Variants in CAP1 observed in about 807,000 individuals in gnomAD.
CAP1 encodes adenylyl cyclase-associated protein 1.
A neutral mutation model predicts 58.2 loss-of-function variants in CAP1; 11 were observed. The ratio of observed to expected loss-of-function variants is 0.19; its 90% CI spans 0.12 to 0.31. CAP1 has a LOEUF of 0.31. Among genes scored for constraint, CAP1 ranks in the 10% least tolerant of loss-of-function variants. The probability of loss-of-function intolerance (pLI) is 1.00; values close to 1 mark genes in which losing one functional copy is unlikely to be tolerated. For missense variants in CAP1, 423 were observed against 587.5 expected, an observed-to-expected ratio of 0.72 and a Z score of 2.89; for synonymous variants, 183 against 213.8, an observed-to-expected ratio of 0.86 and a Z score of 1.26.
At chr1:40,041,094 G>T (rs939303962) in intron 1 of CAP1, 1 of 152,398 alleles carries the variant, frequency 6.6e-6, no homozygotes, top group Non-Finnish European at 1.5e-5. Context: ...GAACCTCCGA[G>T]ATCGGAGAGT....
intron 1 of CAP1, among the ~76,000 whole-genome samples, chr1:40,056,693 C>G (rs1227559736): frequency 6.6e-6 from 1 of 151,992 alleles, no homozygotes; most frequent in East Asian, 1.9e-4. Flanking sequence ...GGTACCACCT[C>G]GCAAATAGGC....
rs563936563 is a variant in CAP1, at chr1:40,048,834, G to A, written c.-11+8033G>A. ...TCTTAGGATAAAACCTCAGGAACAG[G>A]ATTACAAAATTAAGAGAAGCATTTT... On this transcript the variant is annotated intron_variant, in intron 1 of 12. Coordinates refer to ENST00000372805, the MANE Select transcript of CAP1 (RefSeq NM_006367.4). 2.0e-4 allele frequency among the ~76,000 whole-genome samples: 31 copies of A among 152,214 alleles called. No individual in the cohort carries two copies. The South Asian group carries it at 6.0e-3, about 30-fold the overall frequency.
chr1:40,065,211 T>A (rs1442515536), intron 6 of CAP1, among the ~76,000 whole-genome samples: 1 of 152,210 alleles, frequency 6.6e-6, no homozygotes, highest in African/African-American at 2.4e-5. Context: ...AAGGGTTCAA[T>A]AGGACTTAAT....
chr1:40,055,823 T>C (rs1227322117), intron 1 of CAP1, among the ~76,000 whole-genome samples: 2 of 152,126 alleles, frequency 1.3e-5, no homozygotes, highest in Admixed American at 1.3e-4. Context: ...TCCTAACTCT[T>C]ATCAGTCAGG....
At position 40,047,062 on chromosome 1, in the gene CAP1, C is replaced by T. The variant is rs76416466; in HGVS notation, c.-11+6261C>T. On this transcript the variant is annotated intron_variant, in intron 1 of 12. Transcript: ENST00000372805. ...CTGGGATTACAGGCATGAGCCATCGCGCCCGGCCACATTTTTAAAGTACAG... is the reference window on the plus strand; with the variant it reads ...CTGGGATTACAGGCATGAGCCATCGTGCCCGGCCACATTTTTAAAGTACAG... 2.8e-3 allele frequency among the ~76,000 whole-genome samples: 384 copies of T among 137,804 alleles called. 1 individual carries two copies. Among genetic ancestry groups the T allele is most frequent in the African/African-American group, 0.011 (361 of 33,834 alleles). The allele number at this position is 137,804 out of a possible 152,430, so 90.4% of individuals were successfully genotyped here.
Position 40,040,794 on chromosome 1 carries a change from A to C in CAP1, c.-18A>C, listed in dbSNP as rs907960204. Reference sequence around the variant, plus strand: ...GATCGCAGTCCGGAGGTGAGGCGGAACTCTGAGGTGAGGGTGTGCAGCTTG... The same window carrying C: ...GATCGCAGTCCGGAGGTGAGGCGGACCTCTGAGGTGAGGGTGTGCAGCTTG... On this transcript the variant is annotated 5_prime_UTR_variant, in exon 1 of 13. Coordinates refer to ENST00000372805, the MANE Select transcript of CAP1 (RefSeq NM_006367.4). 6.5e-6 allele frequency: 1 copy of C among 153,006 alleles called. No individual in the cohort carries two copies. Among genetic ancestry groups the C allele is most frequent in the Non-Finnish European group, 1.5e-5 (1 of 68,418 alleles). The allele number at this position is 153,006 out of a possible 1,614,324, so 9.5% of individuals were successfully genotyped here.
rs563871487 is a variant in CAP1, at chr1:40,062,743, C to T, written c.294+931C>T. Among the ~76,000 whole-genome samples, 12 of 144,698 alleles carry T rather than the reference C, an allele frequency of 8.3e-5. No homozygotes were observed. The South Asian group carries it at 1.5e-3, about 18-fold the overall frequency. 94.9% of individuals were successfully genotyped at this position (144,698 alleles called of 152,430 possible). On this transcript the variant is annotated intron_variant, in intron 4 of 12. Coordinates refer to ENST00000372805, the MANE Select transcript of CAP1 (RefSeq NM_006367.4). ...ACACACCACTGCACTCCAGCCTGGG[C>T]GACAGAGCAAGACCTTCTCTCAAAA... is the stretch of plus-strand genomic sequence containing the variant.
chr1:40,052,966 T>C (rs1646446340), intron 1 of CAP1, among the ~76,000 whole-genome samples: 1 of 152,050 alleles, frequency 6.6e-6, no homozygotes, highest in African/African-American at 2.4e-5. Context: ...GGCTCACGCC[T>C]GTAATCCCAG....
intron 8 of CAP1, among the ~76,000 whole-genome samples, chr1:40,068,369 C>CA (rs1478818513): frequency 2.6e-5 from 4 of 152,084 alleles, no homozygotes; most frequent in Admixed American, 1.3e-4. Context: ...CTCCCAGGTT[C>CA]AAGCAATTCT....
At chr1:40,059,232 G>C in intron 1 of CAP1, 105 bp from the exon 2 acceptor site, 2 of 626,530 alleles carry the variant, frequency 3.2e-6, no homozygotes, top group South Asian at 4.0e-5. Context: ...CTGAGAATTG[G>C]CATCCTCTTC....
chr1:40,041,139 G>T (rs899462659), intron 1 of CAP1, among the ~76,000 whole-genome samples: 3 of 152,242 alleles, frequency 2.0e-5, no homozygotes, highest in African/African-American at 7.2e-5. Flanking sequence ...CCATTGCACT[G>T]ATAGGTAAAT....
Position 40,070,299 on chromosome 1 carries a change from G to A in CAP1, c.1117+17G>A. The A allele has an allele frequency of 6.2e-7, 1 of 1,613,958 alleles. No homozygotes were observed. The highest frequency in any genetic ancestry group is 2.2e-5 in the East Asian group (1 of 44,864). On this transcript the variant is annotated intron_variant, in intron 10 of 12. Coordinates refer to ENST00000372805, the MANE Select transcript of CAP1 (RefSeq NM_006367.4). ...TTACAGTAGGTGAGTCTTTGTCGCT[G>A]TCCCACGCAAGCCCCGTCCCAGAGC...
intron 1 of CAP1, among the ~76,000 whole-genome samples, chr1:40,044,036 G>A (rs1211326768): frequency 6.6e-6 from 1 of 152,204 alleles, no homozygotes; most frequent in African/African-American, 2.4e-5. Flanking sequence ...TGGTGATATT[G>A]TTAAGATTCA....
At chr1:40,046,182 G>A (rs921948667) in intron 1 of CAP1, among the ~76,000 whole-genome samples, 1 of 152,152 alleles carries the variant, frequency 6.6e-6, no homozygotes, top group South Asian at 2.1e-4. Flanking sequence ...TAGGCTGGGC[G>A]TGGTGATTCA....
chr1:40,071,238 A>G (rs1647932762), intron 12 of CAP1, among the ~76,000 whole-genome samples: 1 of 152,178 alleles, frequency 6.6e-6, no homozygotes. Context: ...CTATAAAGCC[A>G]TATGTACTGT....
intron 9 of CAP1, 123 bp from the exon 10 acceptor site, chr1:40,070,036 A>T: frequency 6.8e-7 from 1 of 1,471,750 alleles, no homozygotes; most frequent in Non-Finnish European, 9.3e-7. Flanking sequence ...GGTTAAATGG[A>T]GCTTAGCTAG....
At chr1:40,058,955 C>A (rs1004816263) in intron 1 of CAP1, among the ~76,000 whole-genome samples, 1 of 149,316 alleles carries the variant, frequency 6.7e-6, no homozygotes, top group African/African-American at 2.5e-5. Context: ...AGTAATCATC[C>A]TTCTATTCCT....
intron 1 of CAP1, among the ~76,000 whole-genome samples, chr1:40,045,730 AT>A (rs1476780826): frequency 6.6e-6 from 1 of 151,922 alleles, no homozygotes; most frequent in East Asian, 1.9e-4. Flanking sequence ...TAATTTTTGT[AT>A]TTTTAGTAGG....
In CAP1 at chr1:40,044,022, A is replaced by G. The variant is rs967093022; in HGVS notation, c.-11+3221A>G. Among the ~76,000 whole-genome samples, 3 of 152,224 alleles carry G rather than the reference A, an allele frequency of 2.0e-5. 1 individual carries two copies. Among genetic ancestry groups the G allele is most frequent in the East Asian group, 3.8e-4 (2 of 5,200 alleles). ...AGAATACAGCCTGATGTGCAAACCA[A>G]AAGTGGTGATATTGTTAAGATTCAG... On this transcript the variant is annotated intron_variant, in intron 1 of 12. Transcript: ENST00000372805.
Sources: allele counts gnomAD v4.1 joint callset (sites outside exome capture counted in the v4.1 genomes callset), GRCh38; gene constraint gnomAD v4.1.1; transcripts MANE v1.5; gene names NCBI Gene and HGNC (gene_info 2026-07-23, HGNC 2026-07-21).